RAB10: variants seen among roughly 807,000 people sequenced by gnomAD.
RAB10 encodes RAB10, member RAS oncogene family.
Under a neutral mutation model 25.7 loss-of-function variants are expected in RAB10, and 5 were observed. The ratio of observed to expected loss-of-function variants is 0.19; its 90% CI spans 0.10 to 0.41. The LOEUF (loss-of-function observed/expected upper bound fraction) is 0.41, where lower values mean the gene tolerates loss of function less well. RAB10 is among the 10% of genes least tolerant of loss of function. The pLI is 1.00. For synonymous variants in RAB10, 89 were observed against 86.4 expected (o/e 1.03, Z -0.16); for missense variants, 103 against 245.8 (o/e 0.42, Z 3.89).
intron 3 of RAB10, among the ~76,000 whole-genome samples, chr2:26,120,441 C>G (rs909524517): frequency 6.6e-6 from 1 of 152,188 alleles, no homozygotes; most frequent in Non-Finnish European, 1.5e-5. Context: ...CAAAATGCCT[C>G]TTACTTTTAG....
chr2:26,057,391 G>C (rs1339084573), intron 1 of RAB10, among the ~76,000 whole-genome samples: 5 of 149,114 alleles, frequency 3.4e-5, no homozygotes, highest in Admixed American at 2.7e-4. Flanking sequence ...TTGCGCCTAT[G>C]AATAGCCATT....
intron 1 of RAB10, among the ~76,000 whole-genome samples, chr2:26,036,270 A>G (rs1665761936): frequency 6.6e-6 from 1 of 152,198 alleles, no homozygotes; most frequent in African/African-American, 2.4e-5. Flanking sequence ...GATAATCATA[A>G]TAGTGTGGAA....
chr2:26,099,630 T>C (rs1667302117), intron 2 of RAB10, among the ~76,000 whole-genome samples: 1 of 133,494 alleles, frequency 7.5e-6, no homozygotes. Context: ...AAGCTCTACC[T>C]CCCAGGTTCA....
intron 1 of RAB10, among the ~76,000 whole-genome samples, chr2:26,079,324 A>AACAC (rs34334774): frequency 4.0e-3 from 371 of 92,650 alleles, no homozygotes; most frequent in South Asian, 6.9e-3. Context: ...CACACACACA[A>AACAC]ACACACACAC....
chr2:26,104,050 C>T (rs1667415370), intron 2 of RAB10, among the ~76,000 whole-genome samples: 2 of 152,080 alleles, frequency 1.3e-5, no homozygotes, highest in Non-Finnish European at 2.9e-5. Flanking sequence ...TGAACATTCA[C>T]GTCTACGTTT....
At chr2:26,132,606 G>GT in intron 5 of RAB10, among the ~76,000 whole-genome samples, 1 of 152,212 alleles carries the variant, frequency 6.6e-6, no homozygotes, top group East Asian at 1.9e-4. Context: ...TAGTATTTTT[G>GT]TTTGTTTATT....
chr2:26,034,984 A>T (rs1382142226), intron 1 of RAB10, among the ~76,000 whole-genome samples: 2 of 152,216 alleles, frequency 1.3e-5, no homozygotes, highest in African/African-American at 4.8e-5. Context: ...TGCATCATTT[A>T]ACCATGTTCC....
At chr2:26,105,400 C>T (rs766717913) in intron 2 of RAB10, among the ~76,000 whole-genome samples, 5 of 152,106 alleles carry the variant, frequency 3.3e-5, no homozygotes, top group Non-Finnish European at 5.9e-5. Flanking sequence ...CCTGTAATCT[C>T]AGCACTTTGG....
At chr2:26,062,658 A>G (rs778397360) in intron 1 of RAB10, among the ~76,000 whole-genome samples, 4 of 150,430 alleles carry the variant, frequency 2.7e-5, no homozygotes, top group Non-Finnish European at 5.9e-5. Context: ...AGCCTGGGCA[A>G]TAGAGCGAGA....
chr2:26,062,721 C>A (rs1666431114), intron 1 of RAB10, among the ~76,000 whole-genome samples: 1 of 150,962 alleles, frequency 6.6e-6, no homozygotes, highest in South Asian at 2.1e-4. Flanking sequence ...AGGAAAAAAA[C>A]CCTTCAAACT....
Position 26,034,268 on chromosome 2 carries a change from C to G in RAB10, c.-341C>G. 2.0e-6 allele frequency: 1 copy of G among 504,638 alleles called. No individual in the cohort carries two copies. The highest frequency in any genetic ancestry group is 3.6e-5 in the South Asian group (1 of 27,906). 31.3% of individuals were successfully genotyped at this position (504,638 alleles called of 1,614,324 possible). A position where few individuals can be genotyped will look rare whatever the true frequency, so the allele number is the denominator to read the frequency against. ...AGAGACTGTCCTCACGCCCGCTGCG[C>G]CTCCTCGACGGCAGAGCAGGCTTGC... On this transcript the variant is annotated 5_prime_UTR_variant, in exon 1 of 6. Transcript: ENST00000264710.
At position 26,081,269 on chromosome 2, in the gene RAB10, G is replaced by A. The variant is rs564243987; in HGVS notation, c.128-17393G>A. ...CCTTGGGTATGTCTTTCTCAGCAGC[G>A]TGAAAATGGAGTAATAGATCTGTTC... On this transcript the variant is annotated intron_variant, in intron 1 of 5. Coordinates refer to ENST00000264710, the MANE Select transcript of RAB10 (RefSeq NM_016131.5). Among the ~76,000 whole-genome samples, 71 of 152,248 alleles carry A rather than the reference G, an allele frequency of 4.7e-4. 2 individuals are homozygous for A. The South Asian group carries it at 0.013, about 27-fold the overall frequency.
rs1668130352 is a variant in RAB10 at position 26,137,243 on chromosome 2, G to A, written c.*2222G>A. The A allele has an allele frequency of 6.6e-6, 1 of 152,662 alleles. No homozygotes were observed. The highest frequency in any genetic ancestry group is 2.1e-4 in the South Asian group (1 of 4,834). The allele number at this position is 152,662 out of a possible 1,614,324, so 9.5% of individuals were successfully genotyped here. Reference sequence around the variant, plus strand: ...TTTGTATAATCTGTTTGAAACATGAGTTTTATTTGCTTAATATTAGGGCTT... The same window carrying A: ...TTTGTATAATCTGTTTGAAACATGAATTTTATTTGCTTAATATTAGGGCTT... On this transcript the variant is annotated 3_prime_UTR_variant, in exon 6 of 6. Coordinates refer to ENST00000264710, the MANE Select transcript of RAB10 (RefSeq NM_016131.5).
chr2:26,119,250 A>G (rs1667754964), intron 3 of RAB10, among the ~76,000 whole-genome samples: 1 of 152,038 alleles, frequency 6.6e-6, no homozygotes, highest in Non-Finnish European at 1.5e-5. Context: ...CTACTAAAAA[A>G]GTTTATTTTT....
intron 2 of RAB10, among the ~76,000 whole-genome samples, chr2:26,099,471 C>T (rs1436916841): frequency 6.6e-6 from 1 of 151,680 alleles, no homozygotes; most frequent in Non-Finnish European, 1.5e-5. Context: ...CCCTGCTACC[C>T]CTGGTCCCCA....
At chr2:26,104,311 A>G (rs752968497) in intron 2 of RAB10, among the ~76,000 whole-genome samples, 1 of 152,070 alleles carries the variant, frequency 6.6e-6, no homozygotes, top group South Asian at 2.1e-4. Flanking sequence ...TATGGTTTTT[A>G]TTTGCATTTC....
At chr2:26,086,526 G>A (rs1330268597) in intron 1 of RAB10, among the ~76,000 whole-genome samples, 1 of 152,234 alleles carries the variant, frequency 6.6e-6, no homozygotes. Flanking sequence ...AAATGGTACA[G>A]CCACCATGGC....
chr2:26,034,467 A>G lies in RAB10; in HGVS notation c.-142A>G. On this transcript the variant is annotated 5_prime_UTR_variant, in exon 1 of 6. Coordinates refer to ENST00000264710, the MANE Select transcript of RAB10 (RefSeq NM_016131.5). Reference sequence around the variant, plus strand: ...TCGGGGCTTCCTCAAAGCTGTTCGTAGGTCGCCCGCGCCGTCTCGAGCCTT... The same window carrying G: ...TCGGGGCTTCCTCAAAGCTGTTCGTGGGTCGCCCGCGCCGTCTCGAGCCTT... The G allele has an allele frequency of 8.8e-7, 1 of 1,135,138 alleles. No individual in the cohort carries two copies. The highest frequency in any genetic ancestry group is 1.5e-5 in the South Asian group (1 of 65,784). The allele number at this position is 1,135,138 out of a possible 1,614,324, so 70.3% of individuals were successfully genotyped here. A position where few individuals can be genotyped will look rare whatever the true frequency, so the allele number is the denominator to read the frequency against.
rs901050693 is a variant in RAB10, at chr2:26,071,050, G to A, written c.128-27612G>A. ...TAGTAGTCATTGTATTTACCACCAT[G>A]TACTCACAAGAGAAAACTAAAATAA... On this transcript the variant is annotated intron_variant, in intron 1 of 5. Transcript: ENST00000264710. 3.3e-5 allele frequency among the ~76,000 whole-genome samples: 5 copies of A among 152,274 alleles called. 1 individual carries two copies. Among genetic ancestry groups the A allele is most frequent in the Non-Finnish European group, 4.4e-5 (3 of 68,018 alleles).
Sources: gnomAD v4.1 joint callset for allele counts (sites outside exome capture counted in the v4.1 genomes callset) on GRCh38, gnomAD v4.1.1 for gene constraint, MANE v1.5 for transcripts, NCBI Gene and HGNC (gene_info 2026-07-23, HGNC 2026-07-21) for gene names.